Variants in TMEM117 observed in about 807,000 individuals in gnomAD.
TMEM117 encodes transmembrane protein 117.
In TMEM117, 27 loss-of-function variants were observed where a neutral mutation model predicts 52.4. The observed-to-expected ratio is 0.51, with a 90% CI of 0.38 to 0.71. TMEM117 has a LOEUF of 0.71. Among genes scored for constraint, TMEM117 ranks in the 30% least tolerant of loss-of-function variants. The pLI is 0.00. For synonymous variants in TMEM117, 215 were observed against 206.3 expected (o/e 1.04, Z -0.36); for missense variants, 556 against 630.5 (o/e 0.88, Z 1.26).
At chr12:43,837,242 TA>T (rs1338216356) in intron 1 of TMEM117, among the ~76,000 whole-genome samples, 1 of 152,214 alleles carries the variant, frequency 6.6e-6, no homozygotes, top group Non-Finnish European at 1.5e-5. Flanking sequence ...AAGCTGTCAT[TA>T]AAAAATAAAC....
intron 5 of TMEM117, among the ~76,000 whole-genome samples, chr12:44,283,977 C>T (rs897207749): frequency 2.0e-5 from 3 of 152,060 alleles, no homozygotes; most frequent in Non-Finnish European, 4.4e-5. Context: ...TCAGGGTTTC[C>T]ACTTCTGTGT....
chr12:44,078,883 C>T (rs1355687371), intron 3 of TMEM117, among the ~76,000 whole-genome samples: 1 of 140,596 alleles, frequency 7.1e-6, no homozygotes, highest in Non-Finnish European at 1.5e-5. Context: ...CCCCAACAGG[C>T]CCCAGTATGT....
the TMEM117 span, among the ~76,000 whole-genome samples, chr12:43,805,222 T>C: frequency 6.6e-6 from 1 of 152,212 alleles, no homozygotes; most frequent in African/African-American, 2.4e-5. Context: ...AACCACTATG[T>C]AAGTAGGTAG....
intron 2 of TMEM117, among the ~76,000 whole-genome samples, chr12:43,917,481 C>A (rs1380815611): frequency 2.0e-5 from 3 of 152,156 alleles, no homozygotes; most frequent in Admixed American, 6.5e-5. Context: ...ACTATTATTA[C>A]CCTCATTTTA....
At chr12:44,027,451 G>C (rs1225941525) in intron 3 of TMEM117, among the ~76,000 whole-genome samples, 1 of 152,106 alleles carries the variant, frequency 6.6e-6, no homozygotes, top group African/African-American at 2.4e-5. Flanking sequence ...TGGGATTACA[G>C]GCATGAGCCA....
At chr12:44,160,967 T>A (rs369948066) in intron 4 of TMEM117, among the ~76,000 whole-genome samples, 1 of 152,158 alleles carries the variant, frequency 6.6e-6, no homozygotes, top group South Asian at 2.1e-4. Context: ...AGCCAAATGG[T>A]ATTAGGTATA....
At chr12:44,306,176 A>G (rs1007637799) in intron 6 of TMEM117, among the ~76,000 whole-genome samples, 1 of 152,114 alleles carries the variant, frequency 6.6e-6, no homozygotes, top group African/African-American at 2.4e-5. Context: ...ATCAGGTACT[A>G]TGCTCTCTCC....
chr12:43,914,772 C>T (rs112999163), intron 2 of TMEM117, among the ~76,000 whole-genome samples: 1 of 152,210 alleles, frequency 6.6e-6, no homozygotes, highest in African/African-American at 2.4e-5. Flanking sequence ...TATGTGGAAA[C>T]TTTGAGATCA....
At chr12:43,804,234 G>A in the TMEM117 span, 3 of 489,764 alleles carry the variant, frequency 6.1e-6, no homozygotes, top group East Asian at 5.5e-5. Context: ...GGACTGTGGT[G>A]CAGAAACTGA....
intron 3 of TMEM117, among the ~76,000 whole-genome samples, chr12:44,118,184 T>C (rs1188583291): frequency 6.6e-6 from 1 of 152,186 alleles, no homozygotes; most frequent in Non-Finnish European, 1.5e-5. Context: ...TTAAAAAGCT[T>C]TTTAAATGAA....
chr12:44,245,498 T>G (rs1353989653), intron 5 of TMEM117, among the ~76,000 whole-genome samples: 1 of 152,022 alleles, frequency 6.6e-6, no homozygotes, highest in Non-Finnish European at 1.5e-5. Context: ...TTTCAAATAG[T>G]TTGTTTTTAG....
At chr12:43,923,870 TAGTC>T (rs145361296) in intron 2 of TMEM117, among the ~76,000 whole-genome samples, 1,790 of 152,240 alleles carry the variant, frequency 0.012, 42 homozygotes, top group East Asian at 0.07. Context: ...ATGTCAGTAA[TAGTC>T]AGCAGTGTTT....
At chr12:44,001,479 A>C (rs1436810445) in intron 3 of TMEM117, among the ~76,000 whole-genome samples, 1 of 152,164 alleles carries the variant, frequency 6.6e-6, no homozygotes, top group African/African-American at 2.4e-5. Context: ...ATAGGGACCC[A>C]CTGATAGGTG....
At chr12:44,338,423 G>A (rs2138743969) in intron 6 of TMEM117, among the ~76,000 whole-genome samples, 1 of 152,028 alleles carries the variant, frequency 6.6e-6, no homozygotes, top group South Asian at 2.1e-4. Flanking sequence ...GAAGGTATAG[G>A]TAATACACTG....
intron 2 of TMEM117, among the ~76,000 whole-genome samples, chr12:43,903,672 A>G (rs1321719734): frequency 6.6e-6 from 1 of 152,178 alleles, no homozygotes; most frequent in Non-Finnish European, 1.5e-5. Flanking sequence ...AATGTTTGAT[A>G]TGTCTGCACT....
At chr12:44,060,601 A>G (rs1947124587) in intron 3 of TMEM117, among the ~76,000 whole-genome samples, 1 of 152,218 alleles carries the variant, frequency 6.6e-6, no homozygotes, top group African/African-American at 2.4e-5. Flanking sequence ...TTTACTTGCT[A>G]GAACAATGAC....
chr12:44,371,785 G>T (rs913010407), intron 6 of TMEM117, among the ~76,000 whole-genome samples: 3 of 152,152 alleles, frequency 2.0e-5, no homozygotes, highest in Non-Finnish European at 4.4e-5. Flanking sequence ...AGACGATCTT[G>T]CCTACATATT....
At chr12:44,313,188 G>C (rs935510639) in intron 6 of TMEM117, among the ~76,000 whole-genome samples, 1 of 151,902 alleles carries the variant, frequency 6.6e-6, no homozygotes, top group African/African-American at 2.4e-5. Flanking sequence ...TGCCAATCCT[G>C]TTATCTACAA....
chr12:44,161,209 A>G (rs1948893710), intron 4 of TMEM117, among the ~76,000 whole-genome samples: 1 of 152,210 alleles, frequency 6.6e-6, no homozygotes. Context: ...TTGTGTTTTG[A>G]TGAAATTTTT....
Sources: gnomAD v4.1 joint callset for allele counts (sites outside exome capture counted in the v4.1 genomes callset) on GRCh38, gnomAD v4.1.1 for gene constraint, MANE v1.5 for transcripts, NCBI Gene and HGNC (gene_info 2026-07-23, HGNC 2026-07-21) for gene names.